The following MBNL1 variants were observed in gnomAD, a reference collection of about 807,000 sequenced individuals.
MBNL1 encodes muscleblind-like protein 1.
Under a neutral mutation model 42.2 loss-of-function variants are expected in MBNL1, and 8 were observed. The observed-to-expected ratio is 0.19, with a 90% CI of 0.11 to 0.34. The LOEUF (loss-of-function observed/expected upper bound fraction) is 0.34, where lower values mean the gene tolerates loss of function less well. Among genes scored for constraint, MBNL1 ranks in the 10% least tolerant of loss-of-function variants. The pLI is 1.00. For synonymous variants in MBNL1, 169 were observed against 173.9 expected, an observed-to-expected ratio of 0.97 and a Z score of 0.22; for missense variants, 309 against 495.3, an observed-to-expected ratio of 0.62 and a Z score of 3.57.
At chr3:152,376,839 T>A (rs2096928557) in intron 2 of MBNL1, among the ~76,000 whole-genome samples, 1 of 152,078 alleles carries the variant, frequency 6.6e-6, no homozygotes, top group Non-Finnish European at 1.5e-5. Flanking sequence ...TACATATATA[T>A]CTCTTCTTGG....
Position 152,457,929 on chromosome 3 carries a change from AAAAG to A in MBNL1, c.1093-1334_1093-1331del, listed in dbSNP as rs1241009227. The A allele has an allele frequency of 1.4e-5, 7 of 488,108 alleles. No individual in the cohort carries two copies. In the South Asian group the frequency reaches 1.7e-4, roughly 12 times the overall value. The allele number at this position is 488,108 out of a possible 1,614,324, so 30.2% of individuals were successfully genotyped here. A position where few individuals can be genotyped will look rare whatever the true frequency, so the allele number is the denominator to read the frequency against. On this transcript the variant is annotated intron_variant, in intron 8 of 9. Transcript: ENST00000324210. ...TGGATCTTCATACTATTTGACAACC[AAAAG>A]AAAGAAAAGGGAATGGATATATATA...
intron 2 of MBNL1, among the ~76,000 whole-genome samples, chr3:152,255,283 T>G (rs2035291507): frequency 6.6e-6 from 1 of 152,118 alleles, no homozygotes; most frequent in Non-Finnish European, 1.5e-5. Context: ...AAAGTTGTGA[T>G]AATAAATTTT....
chr3:152,286,610 T>A (rs2052454952), intron 1 of MBNL1, among the ~76,000 whole-genome samples: 1 of 148,224 alleles, frequency 6.7e-6, no homozygotes, highest in South Asian at 2.1e-4. Flanking sequence ...TTGAATAGGT[T>A]CCTTGTTTAT....
chr3:152,420,004 G>A (rs542610571), intron 3 of MBNL1, among the ~76,000 whole-genome samples: 1 of 152,154 alleles, frequency 6.6e-6, no homozygotes, highest in Non-Finnish European at 1.5e-5. Flanking sequence ...TTTGAACTGG[G>A]TGCAGAAACC....
intron 2 of MBNL1, among the ~76,000 whole-genome samples, chr3:152,358,409 A>G (rs982060034): frequency 6.6e-6 from 1 of 152,128 alleles, no homozygotes; most frequent in Non-Finnish European, 1.5e-5. Context: ...TATGTGAGAG[A>G]AAAAAAGACA....
chr3:152,404,482 C>T (rs572602175), intron 2 of MBNL1, among the ~76,000 whole-genome samples: 38 of 152,124 alleles, frequency 2.5e-4, no homozygotes, highest in African/African-American at 8.9e-4. Flanking sequence ...TATGTGGGAT[C>T]TAGCAGGTAC....
chr3:152,359,919 A>C (rs2095816116), intron 2 of MBNL1, among the ~76,000 whole-genome samples: 1 of 152,208 alleles, frequency 6.6e-6, no homozygotes, highest in South Asian at 2.1e-4. Flanking sequence ...AAAGCACAAT[A>C]ATACACAGAA....
At chr3:152,412,278 T>A (rs1193006702) in intron 2 of MBNL1, among the ~76,000 whole-genome samples, 1 of 152,144 alleles carries the variant, frequency 6.6e-6, no homozygotes, top group Non-Finnish European at 1.5e-5. Flanking sequence ...TTCTCTTATT[T>A]TTTCCACACA....
At chr3:152,457,928 C>G in intron 8 of MBNL1, 1 of 483,936 alleles carries the variant, frequency 2.1e-6, no homozygotes, top group East Asian at 3.2e-5. Context: ...ATTTGACAAC[C>G]AAAAGAAAGA....
At chr3:152,330,216 G>A (rs919496684) in intron 2 of MBNL1, among the ~76,000 whole-genome samples, 9 of 152,252 alleles carry the variant, frequency 5.9e-5, no homozygotes, top group Non-Finnish European at 8.8e-5. Flanking sequence ...CTGGGTTCAA[G>A]CGATCCTTCT....
intron 2 of MBNL1, among the ~76,000 whole-genome samples, chr3:152,326,805 A>ATTTATTTG (rs2080556090): frequency 6.7e-6 from 1 of 150,330 alleles, no homozygotes; most frequent in African/African-American, 2.4e-5. Flanking sequence ...TTATTTATTT[A>ATTTATTTG]TTTATTTATT....
chr3:152,406,580 G>C (rs558891868), intron 2 of MBNL1, among the ~76,000 whole-genome samples: 6 of 152,234 alleles, frequency 3.9e-5, no homozygotes, highest in Admixed American at 3.9e-4. Flanking sequence ...TAGAAGTGTA[G>C]AGTTTCAGTT....
At chr3:152,406,499 G>T (rs1206274573) in intron 2 of MBNL1, among the ~76,000 whole-genome samples, 2 of 152,114 alleles carry the variant, frequency 1.3e-5, no homozygotes, top group African/African-American at 4.8e-5. Flanking sequence ...TGTGTGATTT[G>T]TTGCCTTTTT....
chr3:152,297,263 T>G (rs536665781), intron 1 of MBNL1, among the ~76,000 whole-genome samples: 4 of 151,530 alleles, frequency 2.6e-5, no homozygotes, highest in East Asian at 3.9e-4. Flanking sequence ...TGTTTTTTTT[T>G]TTTTTTTTTT....
chr3:152,267,247 T>A (rs373027320), upstream of MBNL1: 1 of 152,670 alleles, frequency 6.6e-6, no homozygotes, highest in African/African-American at 2.4e-5. Context: ...ACCTGGACTC[T>A]ACTCCCTTTT....
At chr3:152,453,458 G>A (rs1727595737) in intron 6 of MBNL1, among the ~76,000 whole-genome samples, 1 of 152,120 alleles carries the variant, frequency 6.6e-6, no homozygotes, top group South Asian at 2.1e-4. Flanking sequence ...AGGAGAAATT[G>A]GAAATTGACA....
chr3:152,370,695 T>TATA (rs753726160), intron 2 of MBNL1, among the ~76,000 whole-genome samples: 1 of 152,218 alleles, frequency 6.6e-6, no homozygotes, highest in African/African-American at 2.4e-5. Context: ...ATAGGGTGCC[T>TATA]ATATATTTAG....
chr3:152,290,216 T>G (rs1193749748), intron 1 of MBNL1, among the ~76,000 whole-genome samples: 1 of 152,098 alleles, frequency 6.6e-6, no homozygotes, highest in African/African-American at 2.4e-5. Context: ...TGAGGGCAAT[T>G]ATCACATTAA....
chr3:152,316,109 C>G (rs890269678), intron 2 of MBNL1, among the ~76,000 whole-genome samples: 1 of 152,144 alleles, frequency 6.6e-6, no homozygotes, highest in Non-Finnish European at 1.5e-5. Context: ...CCACTCTCTC[C>G]CTGTATTAAT....
Sources: allele counts gnomAD v4.1 joint callset (sites outside exome capture counted in the v4.1 genomes callset), GRCh38; gene constraint gnomAD v4.1.1; transcripts MANE v1.5; gene names NCBI Gene and HGNC (gene_info 2026-07-23, HGNC 2026-07-21).